The following COL23A1 variants were observed in gnomAD, a reference collection of about 807,000 sequenced individuals.
COL23A1 encodes collagen type XXIII alpha 1 chain.
COL23A1 carries 97 observed loss-of-function variants against 99.3 expected under a neutral mutation model. That is an observed-to-expected ratio of 0.98 (90% CI 0.83 to 1.16). The LOEUF is 1.16. Ranked by LOEUF, COL23A1 falls within the 50% of genes most tolerant of loss-of-function variation. The pLI is 0.00. For synonymous variants in COL23A1, 320 were observed against 308.2 expected, an observed-to-expected ratio of 1.04 and a Z score of -0.40; for missense variants, 762 against 757.4, an observed-to-expected ratio of 1.01 and a Z score of -0.07.
At chr5:178,256,977 C>T (rs775082739) in intron 13 of COL23A1, 49 bp from the exon 14 acceptor site, 35 of 1,583,896 alleles carry the variant, frequency 2.2e-5, no homozygotes, top group African/African-American at 1.5e-4. Context: ...CGGCACGTGG[C>T]GGGTGCCTTG....
chr5:178,424,333 A>T (rs913549862), intron 2 of COL23A1, among the ~76,000 whole-genome samples: 1 of 152,220 alleles, frequency 6.6e-6, no homozygotes, highest in African/African-American at 2.4e-5. Context: ...ATGTCGTGTG[A>T]ATGTGAAATT....
At chr5:178,263,357 G>C (rs1264251579) in intron 8 of COL23A1, 33 bp from the exon 9 acceptor site, 8 of 1,365,278 alleles carry the variant, frequency 5.9e-6, no homozygotes, top group East Asian at 2.3e-5. Context: ...TGACTCTGAG[G>C]GGGAGGGGGT....
chr5:178,303,539 C>T (rs1035761991), intron 3 of COL23A1, among the ~76,000 whole-genome samples: 2 of 152,142 alleles, frequency 1.3e-5, no homozygotes, highest in African/African-American at 2.4e-5. Context: ...GTGCTTCTTC[C>T]ACTGGATTTT....
At chr5:178,286,840 C>T (rs1384853973) in intron 5 of COL23A1, among the ~76,000 whole-genome samples, 6 of 152,282 alleles carry the variant, frequency 3.9e-5, no homozygotes, top group East Asian at 3.9e-4. Flanking sequence ...GGGAACGGAC[C>T]GGACCGCTGG....
intron 2 of COL23A1, among the ~76,000 whole-genome samples, chr5:178,381,231 AAAG>A (rs1763365380): frequency 6.6e-6 from 1 of 152,188 alleles, no homozygotes. Flanking sequence ...CGGACTTGGG[AAAG>A]AAGAACAGTT....
At position 178,249,995 on chromosome 5, in the gene COL23A1, A is replaced by G; in HGVS notation, c.1059+66T>C. ...TGCACACATGCACACGCACACACAC[A>G]CACACACACACACAGAGCCCAATAC... On this transcript the variant is annotated intron_variant, in intron 18 of 28. Coordinates refer to ENST00000390654, the MANE Select transcript of COL23A1 (RefSeq NM_173465.4). The G allele has an allele frequency of 3.9e-6, 6 of 1,547,338 alleles. No individual in the cohort carries two copies. The South Asian group carries it at 4.5e-5, about 11-fold the overall frequency.
intron 2 of COL23A1, among the ~76,000 whole-genome samples, chr5:178,333,251 C>T (rs756453457): frequency 3.9e-5 from 6 of 152,188 alleles, no homozygotes; most frequent in South Asian, 2.1e-4. Context: ...CCACCGCGCC[C>T]GGCCGACTCA....
At chr5:178,322,298 TA>T (rs1223907860) in intron 2 of COL23A1, among the ~76,000 whole-genome samples, 2 of 152,058 alleles carry the variant, frequency 1.3e-5, no homozygotes, top group African/African-American at 4.8e-5. Flanking sequence ...GGCCCACGCC[TA>T]TTTTTTTTGT....
chr5:178,358,092 AGG>A, intron 2 of COL23A1, among the ~76,000 whole-genome samples: 1 of 142,518 alleles, frequency 7.0e-6, no homozygotes, highest in Non-Finnish European at 1.5e-5. Context: ...GTACGTGTGT[AGG>A]TCTAATGTGT....
At chr5:178,248,426 G>A (rs550968940) in intron 19 of COL23A1, among the ~76,000 whole-genome samples, 172 bp from the exon 20 acceptor site, 59 of 152,324 alleles carry the variant, frequency 3.9e-4, no homozygotes, top group African/African-American at 1.4e-3. Context: ...CGGGTGGTGG[G>A]CAGTGTGGGC....
At chr5:178,304,195 C>T (rs1005369731) in intron 3 of COL23A1, among the ~76,000 whole-genome samples, 9 of 152,106 alleles carry the variant, frequency 5.9e-5, no homozygotes, top group African/African-American at 2.2e-4. Flanking sequence ...CCCAGCCGGG[C>T]ACTGCCCTAC....
chr5:178,246,913 T>C (rs1387677633), intron 22 of COL23A1, among the ~76,000 whole-genome samples: 1 of 152,168 alleles, frequency 6.6e-6, no homozygotes, highest in Non-Finnish European at 1.5e-5. Flanking sequence ...GGCTCGGGCC[T>C]GGGCTTCCAC....
chr5:178,318,888 C>G (rs1456149363), intron 2 of COL23A1, among the ~76,000 whole-genome samples: 1 of 135,424 alleles, frequency 7.4e-6, no homozygotes, highest in African/African-American at 2.9e-5. Context: ...GGCGATACAG[C>G]AAGACTTCAT....
At chr5:178,357,884 CGTGT>C (rs141271227) in intron 2 of COL23A1, among the ~76,000 whole-genome samples, 161 of 121,852 alleles carry the variant, frequency 1.3e-3, no homozygotes, top group African/African-American at 4.6e-3. Context: ...TGCATGTGTA[CGTGT>C]GTGTGTATGT....
chr5:178,508,851 G>A (rs117630354), intron 2 of COL23A1, among the ~76,000 whole-genome samples: 1 of 152,280 alleles, frequency 6.6e-6, no homozygotes, highest in East Asian at 1.9e-4. Context: ...AGGGTCCCTA[G>A]CTGCCTGCCT....
chr5:178,513,502 A>G (rs1458188585), intron 2 of COL23A1, among the ~76,000 whole-genome samples: 2 of 152,166 alleles, frequency 1.3e-5, no homozygotes, highest in Non-Finnish European at 2.9e-5. Context: ...AGGTCTCACC[A>G]GGCTAAAATC....
intron 2 of COL23A1, among the ~76,000 whole-genome samples, chr5:178,389,554 A>G (rs1763854800): frequency 6.6e-6 from 1 of 152,162 alleles, no homozygotes; most frequent in Admixed American, 6.5e-5. Context: ...GTGCCCACTG[A>G]CACTAATTCA....
At chr5:178,507,490 G>A (rs887940920) in intron 2 of COL23A1, among the ~76,000 whole-genome samples, 1 of 152,208 alleles carries the variant, frequency 6.6e-6, no homozygotes, top group Non-Finnish European at 1.5e-5. Context: ...GTAAGACGCT[G>A]ATAATAATAG....
chr5:178,340,106 T>C lies in COL23A1; in HGVS notation c.362-33187A>G, dbSNP rs1483255574. On this transcript the variant is annotated intron_variant, in intron 2 of 28. Transcript: ENST00000390654. This position sits in a 1 kb window ranked among gnomAD's most constrained non-coding sequence, Gnocchi z 4.7. The stretch of plus-strand genomic sequence containing the variant: ...AATTCTGGTGTTGCCTGTCTCTAGC[T>C]GTTTGACCTTGGGCATCTCACATGT... 6.6e-6 allele frequency among the ~76,000 whole-genome samples: 1 copy of C among 152,106 alleles called. No individual in the cohort carries two copies. The highest frequency in any genetic ancestry group is 2.4e-5 in the African/African-American group (1 of 41,414).
Sources: allele counts gnomAD v4.1 joint callset (sites outside exome capture counted in the v4.1 genomes callset), GRCh38; gene constraint gnomAD v4.1.1; non-coding constraint Gnocchi (gnomAD v3.1); transcripts MANE v1.5; gene names NCBI Gene and HGNC (gene_info 2026-07-23, HGNC 2026-07-21).